The following DYSF variants were observed in gnomAD, a reference collection of about 807,000 sequenced individuals.
DYSF encodes the protein dystrophy-associated fer-1-like 1.
Under a neutral mutation model 274.9 loss-of-function variants are expected in DYSF, and 212 were observed. That is an observed-to-expected ratio of 0.77 (90% CI 0.69 to 0.86). The LOEUF (loss-of-function observed/expected upper bound fraction) is 0.86. Ranked by LOEUF, DYSF falls within the 40% of genes least tolerant of loss-of-function variation. DYSF has a pLI of 0.00. For synonymous variants in DYSF, 1,091 were observed against 1,078.7 expected (o/e 1.01, Z -0.22); for missense variants, 2,666 against 2,783.2 (o/e 0.96, Z 0.95).
chr2:71,667,400 A>G lies in DYSF; in HGVS notation c.5342A>G (p.His1781Arg). The change falls in exon 48 of 56, where the codon CAC becomes CGC. Residue 1781 changes from histidine (H) to arginine (R), a missense_variant. Transcript: ENST00000410020. ...EIEAGRIPNP[H>R]LGPVEERLAL... is the part of the protein sequence containing the mutation. ...GAGGCTGGCAGGATCCCAAACCCAC[A>G]CCTGGGCCCAGTGGAGGAGCGTCTG... 8.7e-6 allele frequency: 14 copies of G among 1,614,020 alleles called. No homozygotes were observed. Among genetic ancestry groups the G allele is most frequent in the Non-Finnish European group, 1.2e-5 (14 of 1,180,022 alleles).
At chr2:71,511,663 T>A (rs907639197) in intron 4 of DYSF, 144 bp from the exon 5 acceptor site, 29 of 698,928 alleles carry the variant, frequency 4.1e-5, no homozygotes, top group Middle Eastern at 2.3e-4. Context: ...TCCCTTGGGG[T>A]GGCTTTGCCA....
At chr2:71,650,452 G>C (rs560200021) in intron 42 of DYSF, among the ~76,000 whole-genome samples, 1 of 152,240 alleles carries the variant, frequency 6.6e-6, no homozygotes, top group Admixed American at 6.5e-5. Context: ...CTGCACTCCA[G>C]CCTGGGTGAC....
At chr2:71,654,490 A>AT (rs533038160) in intron 42 of DYSF, among the ~76,000 whole-genome samples, 53 of 152,360 alleles carry the variant, frequency 3.5e-4, no homozygotes, top group Middle Eastern at 3.4e-3. Context: ...GTTTAAAAAA[A>AT]TAATGTTGAT....
intron 1 of DYSF, among the ~76,000 whole-genome samples, chr2:71,458,231 A>G (rs2081149674): frequency 6.6e-6 from 1 of 152,278 alleles, no homozygotes; most frequent in African/African-American, 2.4e-5. Flanking sequence ...CAGGCAAGCA[A>G]TAAATGTTAA....
exon 1 of DYSF, chr2:71,453,986 A>G (rs771817914): frequency 4.2e-5 from 68 of 1,613,812 alleles, no homozygotes; most frequent in Non-Finnish European, 5.2e-5. Flanking sequence ...ACGGGGCCCT[A>G]CACGCGCCAA....
At chr2:71,670,345 C>G (rs1236741832) in intron 51 of DYSF, among the ~76,000 whole-genome samples, 1 of 152,228 alleles carries the variant, frequency 6.6e-6, no homozygotes, top group Non-Finnish European at 1.5e-5. Context: ...GCATGGCCTT[C>G]AAAAGGGCAG....
chr2:71,673,485 T>C (rs2095166470), intron 51 of DYSF, among the ~76,000 whole-genome samples: 2 of 152,050 alleles, frequency 1.3e-5, no homozygotes, highest in African/African-American at 4.8e-5. Context: ...GTCAAGCTCT[T>C]GGAGTGAAGT....
chr2:71,503,367 G>C, intron 4 of DYSF, 48 bp downstream of exon 4: 1 of 1,594,078 alleles, frequency 6.3e-7, no homozygotes, highest in South Asian at 1.1e-5. Context: ...GGCATTGCCA[G>C]GTGGCTTCCT....
Position 71,658,983 on chromosome 2 carries a change from A to G in DYSF, c.4861A>G (p.Ile1621Val). 2.5e-6 allele frequency: 4 copies of G among 1,614,162 alleles called. No homozygotes were observed. Among genetic ancestry groups the G allele is most frequent in the Non-Finnish European group, 3.4e-6 (4 of 1,180,014 alleles). Residue 1621 changes from isoleucine to valine, a missense_variant, in exon 44 of 56, where the codon ATC becomes GTC. Physicochemically the swap from Ile to Val is conservative, Grantham distance 29. This residue lies in a region of DYSF where 1,460 missense variants were observed against 1,502.1 expected (regional missense o/e 0.97). Coordinates refer to ENST00000410020, the MANE Select transcript of DYSF (RefSeq NM_001130987.2). ...GGGACCCCAGGAGTGCTTGGTCCGT[A>G]TCTACATTGTCCGAGCATTTGGCCT... is the stretch of plus-strand genomic sequence containing the variant. ...AQGPQECLVR[I>V]YIVRAFGLQP...
chr2:71,493,213 T>C (rs941215827), intron 3 of DYSF, among the ~76,000 whole-genome samples: 7 of 152,108 alleles, frequency 4.6e-5, no homozygotes, highest in Non-Finnish European at 1.0e-4. Context: ...ATCTAATATA[T>C]TGTTTGTATT....
chr2:71,679,826 G>T (rs1186915523), intron 53 of DYSF, among the ~76,000 whole-genome samples: 1 of 152,020 alleles, frequency 6.6e-6, no homozygotes, highest in Non-Finnish European at 1.5e-5. Context: ...GTACCCCAAA[G>T]GAAAAATGAG....
At chr2:71,666,756 AGCTGCTCT>A (rs2095020358) in intron 47 of DYSF, among the ~76,000 whole-genome samples, 1 of 152,216 alleles carries the variant, frequency 6.6e-6, no homozygotes, top group African/African-American at 2.4e-5. Context: ...ATGTGATCTC[AGCTGCTCT>A]GCTGCTAGTT....
At chr2:71,631,277 A>G (rs2094308458) in intron 41 of DYSF, among the ~76,000 whole-genome samples, 2 of 152,296 alleles carry the variant, frequency 1.3e-5, no homozygotes, top group South Asian at 4.1e-4. Flanking sequence ...AATAACATTC[A>G]TGGTTTTACC....
At chr2:71,640,777 G>C (rs966557738) in intron 41 of DYSF, among the ~76,000 whole-genome samples, 1 of 151,310 alleles carries the variant, frequency 6.6e-6, no homozygotes, top group Non-Finnish European at 1.5e-5. Context: ...GTGTTGCTTC[G>C]TCAAGTTTTG....
intron 29 of DYSF, among the ~76,000 whole-genome samples, chr2:71,571,240 TCACACCCAA>T (rs1256659555): frequency 8.2e-6 from 1 of 122,002 alleles, no homozygotes; most frequent in African/African-American, 3.3e-5. Flanking sequence ...CACACACAGA[TCACACCCAA>T]CACACCCACA....
chr2:71,665,807 C>A (rs1044191392), intron 47 of DYSF, among the ~76,000 whole-genome samples: 1 of 152,202 alleles, frequency 6.6e-6, no homozygotes, highest in Non-Finnish European at 1.5e-5. Flanking sequence ...GTAGTGCCCC[C>A]AGTCCTGCCC....
intron 47 of DYSF, among the ~76,000 whole-genome samples, chr2:71,665,778 C>A (rs2094990276): frequency 6.6e-6 from 1 of 152,196 alleles, no homozygotes; most frequent in Admixed American, 6.5e-5. Flanking sequence ...TCTAAAGGAT[C>A]CCAAGGCAGG....
intron 51 of DYSF, 44 bp downstream of exon 51, chr2:71,669,790 C>T (rs964009105): frequency 6.2e-7 from 1 of 1,613,898 alleles, no homozygotes; most frequent in Non-Finnish European, 8.5e-7. Context: ...ACCAGGGCTT[C>T]TAAAGTTAGC....
intron 17 of DYSF, among the ~76,000 whole-genome samples, chr2:71,545,776 C>T (rs2090421943): frequency 6.6e-6 from 1 of 152,160 alleles, no homozygotes; most frequent in Non-Finnish European, 1.5e-5. Flanking sequence ...CATCCCCCGA[C>T]CTGTCTTCAT....
Sources: gnomAD v4.1 joint callset for allele counts (sites outside exome capture counted in the v4.1 genomes callset) on GRCh38, gnomAD v4.1.1 for gene constraint, gnomAD v4.1.1 regional missense constraint, MANE v1.5 for transcripts, NCBI Gene and HGNC (gene_info 2026-07-23, HGNC 2026-07-21) for gene names.